The following PACRG variants were observed in gnomAD, a reference collection of about 807,000 sequenced individuals.
PACRG encodes the protein parkin coregulated.
In PACRG, 29 loss-of-function variants were observed where a neutral mutation model predicts 29.7. That is an observed-to-expected ratio of 0.98 (90% CI 0.73 to 1.33). The LOEUF is 1.33. Ranked by LOEUF, PACRG falls within the 40% of genes most tolerant of loss-of-function variation. PACRG has a pLI of 0.00. For synonymous variants in PACRG, 116 were observed against 118.7 expected, an observed-to-expected ratio of 0.98 and a Z score of 0.15; for missense variants, 279 against 316.2, an observed-to-expected ratio of 0.88 and a Z score of 0.89.
At chr6:162,854,544 T>A (rs1315200844) in intron 2 of PACRG, among the ~76,000 whole-genome samples, 2 of 152,202 alleles carry the variant, frequency 1.3e-5, no homozygotes, top group Non-Finnish European at 2.9e-5. Flanking sequence ...TATTATTATT[T>A]TTTGGTTTGA....
chr6:163,305,999 A>G (rs1237097611), intron 4 of PACRG, among the ~76,000 whole-genome samples: 2 of 152,180 alleles, frequency 1.3e-5, no homozygotes, highest in East Asian at 3.9e-4. Flanking sequence ...TCATTCTTGC[A>G]CTTCAGCAGA....
chr6:163,282,235 T>A (rs1019089818), intron 4 of PACRG, among the ~76,000 whole-genome samples: 1 of 152,120 alleles, frequency 6.6e-6, no homozygotes, highest in East Asian at 1.9e-4. Flanking sequence ...ACACACAGAC[T>A]TAAGAAAAAG....
At chr6:162,902,107 C>T (rs1795603250) in intron 2 of PACRG, among the ~76,000 whole-genome samples, 1 of 152,200 alleles carries the variant, frequency 6.6e-6, no homozygotes, top group Admixed American at 6.5e-5. Context: ...TCTATGGTTT[C>T]ACACGTTGCA....
intron 2 of PACRG, among the ~76,000 whole-genome samples, chr6:162,949,958 A>G (rs977927161): frequency 6.6e-6 from 1 of 152,172 alleles, no homozygotes; most frequent in African/African-American, 2.4e-5. Context: ...TCTAAGGGAA[A>G]TTGCATTAGA....
chr6:163,137,805 A>C (rs550080846), intron 4 of PACRG, among the ~76,000 whole-genome samples: 1 of 152,370 alleles, frequency 6.6e-6, no homozygotes, highest in Admixed American at 6.5e-5. Flanking sequence ...GAATGGCAGG[A>C]GCTGGCCCCA....
At chr6:162,732,807 A>G (rs558735665) in intron 1 of PACRG, among the ~76,000 whole-genome samples, 104 of 152,246 alleles carry the variant, frequency 6.8e-4, no homozygotes, top group African/African-American at 1.7e-3. Context: ...TTCTGCTCCT[A>G]TCACTATTCA....
chr6:163,108,715 A>G (rs1048959390), intron 4 of PACRG, among the ~76,000 whole-genome samples: 4 of 152,152 alleles, frequency 2.6e-5, no homozygotes, highest in African/African-American at 9.7e-5. Context: ...CAAATTACGC[A>G]GTCTTGGGTA....
At chr6:163,085,333 T>C (rs1813456493) in intron 3 of PACRG, among the ~76,000 whole-genome samples, 1 of 151,934 alleles carries the variant, frequency 6.6e-6, no homozygotes, top group African/African-American at 2.4e-5. Context: ...TCTTAAGGAG[T>C]GGGATGGGAA....
At chr6:163,191,052 GA>G in intron 4 of PACRG, 1 of 431,470 alleles carries the variant, frequency 2.3e-6, no homozygotes, top group Non-Finnish European at 4.6e-6. Context: ...ATTATCATTT[GA>G]AAAACAAAAC....
intron 4 of PACRG, among the ~76,000 whole-genome samples, chr6:163,223,042 A>G (rs1781649423): frequency 6.6e-6 from 1 of 152,234 alleles, no homozygotes; most frequent in Non-Finnish European, 1.5e-5. Flanking sequence ...ATTAACTTCT[A>G]CTGAAAAATG....
intron 2 of PACRG, among the ~76,000 whole-genome samples, chr6:162,891,527 T>C (rs77350304): frequency 0.012 from 1,836 of 152,224 alleles, 17 homozygotes; most frequent in Middle Eastern, 0.027. Context: ...TCAGCTCCAA[T>C]GAGACAGGGC....
rs193022477 is a variant in PACRG at position 163,210,670 on chromosome 6, T to A, written c.614-104157T>A. 8.5e-5 allele frequency among the ~76,000 whole-genome samples: 13 copies of A among 152,384 alleles called. No individual in the cohort carries two copies. The East Asian group carries it at 2.3e-3, about 27-fold the overall frequency. ...TAAATTTCTCTGTTAAATACATGTA[T>A]CTCTTCCCCTTACTTTTGCTGAGAA... is the stretch of plus-strand genomic sequence containing the variant. On this transcript the variant is annotated intron_variant, in intron 4 of 4. Coordinates refer to ENST00000366888, the MANE Select transcript of PACRG (RefSeq NM_001080379.2).
chr6:162,817,938 A>T (rs963620981), intron 2 of PACRG, among the ~76,000 whole-genome samples: 3 of 152,174 alleles, frequency 2.0e-5, no homozygotes, highest in Non-Finnish European at 4.4e-5. Flanking sequence ...ATACTTATCA[A>T]TGGCAAGTTC....
intron 4 of PACRG, among the ~76,000 whole-genome samples, chr6:163,245,771 C>T (rs6932653): frequency 0.61 from 93,436 of 151,964 alleles, 30,642 homozygotes; most frequent in African/African-American, 0.86. Context: ...AAACTGAAGG[C>T]GCTCAAGACA....
At chr6:163,191,181 T>C (rs1356498455) in intron 4 of PACRG, among the ~76,000 whole-genome samples, 3 of 152,190 alleles carry the variant, frequency 2.0e-5, no homozygotes, top group South Asian at 2.1e-4. Flanking sequence ...TCCACTTAAA[T>C]GGACACTAGA....
intron 4 of PACRG, among the ~76,000 whole-genome samples, chr6:163,186,392 TAC>T: frequency 6.6e-6 from 1 of 151,880 alleles, no homozygotes; most frequent in East Asian, 1.9e-4. Flanking sequence ...CAGACACAGA[TAC>T]ACACACACAG....
intron 2 of PACRG, among the ~76,000 whole-genome samples, chr6:163,006,708 G>A (rs1329659951): frequency 5.9e-5 from 9 of 151,806 alleles, no homozygotes; most frequent in South Asian, 4.2e-4. Context: ...TTTATTCGTG[G>A]TAAATTTCTG....
intron 2 of PACRG, among the ~76,000 whole-genome samples, chr6:162,949,732 C>T (rs1799507154): frequency 6.6e-6 from 1 of 152,132 alleles, no homozygotes; most frequent in Admixed American, 6.5e-5. Context: ...AAGTCAGATT[C>T]TTGGAGGCTG....
chr6:162,906,994 A>T (rs1795976714), intron 2 of PACRG, among the ~76,000 whole-genome samples: 1 of 152,206 alleles, frequency 6.6e-6, no homozygotes, highest in Non-Finnish European at 1.5e-5. Context: ...CAGTGTGAGG[A>T]GCTAAGGTTG....
Sources: allele counts gnomAD v4.1 joint callset (sites outside exome capture counted in the v4.1 genomes callset), GRCh38; gene constraint gnomAD v4.1.1; transcripts MANE v1.5; gene names NCBI Gene and HGNC (gene_info 2026-07-23, HGNC 2026-07-21).